Variants in ARAP2 observed in about 807,000 individuals in gnomAD.
ARAP2 encodes the protein ArfGAP with RhoGAP domain, ankyrin repeat and PH domain 2, also known as arf-GAP with Rho-GAP domain, ANK repeat and PH domain-containing protein 2.
In ARAP2, 148 loss-of-function variants were observed where a neutral mutation model predicts 194.5. The observed-to-expected ratio is 0.76, with a 90% confidence interval of 0.67 to 0.87. The LOEUF is 0.87. Ranked by LOEUF, ARAP2 falls within the 40% of genes least tolerant of loss-of-function variation. The pLI is 0.00. For missense variants in ARAP2, 2,128 were observed against 1,989.7 expected, an observed-to-expected ratio of 1.07 and a Z score of -1.32; for synonymous variants, 695 against 683.5, an observed-to-expected ratio of 1.02 and a Z score of -0.26.
chr4:36,071,617 C>A (rs1726919803), intron 32 of ARAP2, among the ~76,000 whole-genome samples: 1 of 151,730 alleles, frequency 6.6e-6, no homozygotes, highest in South Asian at 2.1e-4. Context: ...AAAAATAATT[C>A]TTCTTGAATA....
chr4:36,035,245 A>T (rs981601277), intron 5 of ARAP2, among the ~76,000 whole-genome samples: 10 of 151,998 alleles, frequency 6.6e-5, no homozygotes, highest in Admixed American at 1.3e-4. Flanking sequence ...TTTATTACTG[A>T]TCCAATTTCA....
At chr4:36,134,760 A>ACACACACACC (rs1553915268) in intron 19 of ARAP2, among the ~76,000 whole-genome samples, 4 of 149,684 alleles carry the variant, frequency 2.7e-5, no homozygotes, top group East Asian at 2.0e-4. Context: ...ACACACACAC[A>ACACACACACC]CCCTCCTGGA....
chr4:36,145,342 C>T lies in ARAP2; in HGVS notation c.3263+1954G>A, dbSNP rs1430160296. Among the ~76,000 whole-genome samples, 4 of 151,982 alleles carry T rather than the reference C, an allele frequency of 2.6e-5. No homozygotes were observed. The East Asian group carries it at 7.7e-4, about 29-fold the overall frequency. ...GTCATATATACCATGGAATACTACA[C>T]AACCATAAATAGGAATGAAGTCAAG... On this transcript the variant is annotated intron_variant, in intron 19 of 32. Coordinates refer to ENST00000303965, the MANE Select transcript of ARAP2 (RefSeq NM_015230.4).
intron 31 of ARAP2, among the ~76,000 whole-genome samples, chr4:36,076,351 T>C (rs1728246442): frequency 6.6e-6 from 1 of 152,100 alleles, no homozygotes; most frequent in South Asian, 2.1e-4. Flanking sequence ...GATTGGATTG[T>C]CTTCATATAA....
At chr4:36,054,088 C>G (rs1041753603) in intron 2 of ARAP2, among the ~76,000 whole-genome samples, 1 of 152,130 alleles carries the variant, frequency 6.6e-6, no homozygotes, top group African/African-American at 2.4e-5. Flanking sequence ...TTAGGCATGC[C>G]TTTCACACCG....
intron 1 of ARAP2, among the ~76,000 whole-genome samples, chr4:36,060,790 G>A (rs542316702): frequency 6.6e-6 from 1 of 152,004 alleles, no homozygotes; most frequent in Admixed American, 6.5e-5. Flanking sequence ...CTGTGGCTGG[G>A]CATCCCCAGT....
chr4:36,130,548 G>A (rs926063770), intron 20 of ARAP2, among the ~76,000 whole-genome samples: 1 of 151,772 alleles, frequency 6.6e-6, no homozygotes, highest in African/African-American at 2.4e-5. Context: ...TACCCATGAA[G>A]CTCTCTGTTT....
At chr4:36,018,226 C>G (rs1328545282) in intron 6 of ARAP2, among the ~76,000 whole-genome samples, 3 of 152,066 alleles carry the variant, frequency 2.0e-5, no homozygotes, top group Non-Finnish European at 4.4e-5. Context: ...TGGGGAGCAC[C>G]ATGACTGAGG....
chr4:36,043,469 A>G (rs2109231606), intron 5 of ARAP2, among the ~76,000 whole-genome samples: 1 of 152,294 alleles, frequency 6.6e-6, no homozygotes, highest in South Asian at 2.1e-4. Context: ...AAGTTTAGTT[A>G]GCCAACGGTG....
chr4:36,192,146 A>G (rs1251742479), intron 7 of ARAP2, among the ~76,000 whole-genome samples: 1 of 148,668 alleles, frequency 6.7e-6, no homozygotes, highest in Non-Finnish European at 1.5e-5. Context: ...TCCTTTTAGG[A>G]AACACCAAAT....
chr4:36,133,133 G>C, intron 20 of ARAP2, 93 bp downstream of exon 20: 1 of 1,270,912 alleles, frequency 7.9e-7, no homozygotes, highest in Non-Finnish European at 1.1e-6. Context: ...AATATAAAGG[G>C]TTTTAACTCA....
At chr4:36,180,053 A>T (rs556892508) in intron 8 of ARAP2, among the ~76,000 whole-genome samples, 19 of 152,254 alleles carry the variant, frequency 1.2e-4, no homozygotes, top group African/African-American at 4.3e-4. Flanking sequence ...GGGGAGGAAC[A>T]TTTGAGGTCA....
chr4:36,007,689 C>G (rs1434768983), intron 9 of ARAP2, among the ~76,000 whole-genome samples: 2 of 152,068 alleles, frequency 1.3e-5, no homozygotes, highest in Non-Finnish European at 2.9e-5. Context: ...TTCAATACGC[C>G]CATAAATGGG....
intron 3 of ARAP2, among the ~76,000 whole-genome samples, chr4:36,050,169 T>C (rs965182946): frequency 2.0e-5 from 3 of 152,210 alleles, no homozygotes; most frequent in Non-Finnish European, 4.4e-5. Flanking sequence ...CTTACTTTAA[T>C]AACTCTAACC....
Position 36,128,724 on chromosome 4 carries a change from T to C in ARAP2, c.3449A>G (p.Tyr1150Cys). Residue 1150 changes from tyrosine to cysteine, a missense_variant, in exon 21 of 33, where the codon TAT becomes TGT. Transcript: ENST00000303965. ...ATGCAAAGGATCACCATTCTTTTGA[T>C]AGATATATTTGCATCCTAAACCTTT... ...TQYGLGCKYI[Y>C]QKNGDPLHIS... is the part of the protein sequence containing the mutation. 1.9e-6 allele frequency: 3 copies of C among 1,607,800 alleles called. No homozygotes were observed. Among genetic ancestry groups the C allele is most frequent in the South Asian group, 2.2e-5 (2 of 90,754 alleles).
At chr4:36,051,736 A>C (rs1366705380) in intron 3 of ARAP2, among the ~76,000 whole-genome samples, 1 of 152,184 alleles carries the variant, frequency 6.6e-6, no homozygotes, top group Non-Finnish European at 1.5e-5. Context: ...CTTAGTTAAA[A>C]TTAGTGAATA....
Position 36,147,696 on chromosome 4 carries a change from C to T in ARAP2, c.3051G>A (p.Leu1017=), listed in dbSNP as rs750908307. The part of the protein sequence containing the change: ...AENLTEADYD[L]IGQLFYKDCH... Reference sequence around the variant, plus strand: ...AGTCTTTGTAGAAGAGTTGACCAATCAAATCATAGTCAGCTTCTGTTAAGT... The same window carrying T: ...AGTCTTTGTAGAAGAGTTGACCAATTAAATCATAGTCAGCTTCTGTTAAGT... Residue 1017 remains leucine (L), a synonymous_variant, in exon 18 of 33, where the codon TTG becomes TTA. Coordinates refer to ENST00000303965, the MANE Select transcript of ARAP2 (RefSeq NM_015230.4). The T allele has an allele frequency of 3.1e-6, 5 of 1,612,588 alleles. No individual in the cohort carries two copies. The highest frequency in any genetic ancestry group is 4.2e-6 in the Non-Finnish European group (5 of 1,179,406).
At chr4:36,226,879 T>C (rs893620047) in intron 2 of ARAP2, among the ~76,000 whole-genome samples, 4 of 152,214 alleles carry the variant, frequency 2.6e-5, no homozygotes, top group African/African-American at 7.2e-5. Context: ...CTGGCAAAGA[T>C]GCAGCTTTAA....
chr4:36,110,274 T>C, intron 26 of ARAP2, among the ~76,000 whole-genome samples: 1 of 151,952 alleles, frequency 6.6e-6, no homozygotes, highest in East Asian at 1.9e-4. Context: ...ACGTCTGCCC[T>C]GTCCACATAA....
Sources: gnomAD v4.1 joint callset for allele counts (sites outside exome capture counted in the v4.1 genomes callset) on GRCh38, gnomAD v4.1.1 for gene constraint, MANE v1.5 for transcripts, NCBI Gene and HGNC (gene_info 2026-07-23, HGNC 2026-07-21) for gene names.